Variants in SCAMP1 observed in about 807,000 individuals in gnomAD.
The protein encoded by SCAMP1 is secretory carrier-associated membrane protein 1.
A neutral mutation model predicts 41.8 loss-of-function variants in SCAMP1; 15 were observed. That is an observed-to-expected ratio of 0.36 (90% CI 0.24 to 0.55). The LOEUF is 0.55. SCAMP1 is among the 20% of genes least tolerant of loss of function. SCAMP1 has a pLI of 0.86. For synonymous variants in SCAMP1, 135 were observed against 136.8 expected (o/e 0.99, Z 0.09); for missense variants, 341 against 412.6 (o/e 0.83, Z 1.50).
chr5:78,465,581 A>G (rs1753725776), intron 8 of SCAMP1, among the ~76,000 whole-genome samples: 1 of 152,232 alleles, frequency 6.6e-6, no homozygotes. Context: ...TAAATGAAAC[A>G]GTGAATGTAA....
At chr5:78,432,940 T>C (rs1327366138) in intron 6 of SCAMP1, among the ~76,000 whole-genome samples, 2 of 152,178 alleles carry the variant, frequency 1.3e-5, no homozygotes, top group Non-Finnish European at 1.5e-5. Flanking sequence ...TTTTTACTTT[T>C]GCATTTCAGT....
At chr5:78,399,355 C>T (rs976891653) in intron 2 of SCAMP1, among the ~76,000 whole-genome samples, 1 of 152,168 alleles carries the variant, frequency 6.6e-6, no homozygotes, top group African/African-American at 2.4e-5. Flanking sequence ...CTGACTGGAC[C>T]ATATGGTAAC....
At chr5:78,403,274 A>G (rs138890996) in intron 2 of SCAMP1, among the ~76,000 whole-genome samples, 1 of 152,290 alleles carries the variant, frequency 6.6e-6, no homozygotes, top group African/African-American at 2.4e-5. Flanking sequence ...AGACCTACAT[A>G]CAAATAACTA....
At chr5:78,392,391 AT>A (rs1166670159) in intron 2 of SCAMP1, among the ~76,000 whole-genome samples, 4 of 152,328 alleles carry the variant, frequency 2.6e-5, no homozygotes, top group African/African-American at 9.6e-5. Flanking sequence ...TGCCTTTTTC[AT>A]TTTGCTAGTG....
intron 6 of SCAMP1, among the ~76,000 whole-genome samples, chr5:78,438,415 CTT>C: frequency 6.6e-6 from 1 of 152,302 alleles, no homozygotes; most frequent in Middle Eastern, 3.4e-3. Flanking sequence ...TACGTTGTGT[CTT>C]TGTTCTCATT....
intron 6 of SCAMP1, among the ~76,000 whole-genome samples, chr5:78,438,176 A>G (rs1369783221): frequency 1.3e-5 from 2 of 152,082 alleles, no homozygotes; most frequent in African/African-American, 4.8e-5. Flanking sequence ...TCCTGGATTC[A>G]TTGATTTTTT....
chr5:78,383,545 T>C (rs1263393056), intron 1 of SCAMP1, among the ~76,000 whole-genome samples: 1 of 152,226 alleles, frequency 6.6e-6, no homozygotes, highest in East Asian at 1.9e-4. Flanking sequence ...TGTTATGTTC[T>C]AGAAATTTTA....
intron 2 of SCAMP1, among the ~76,000 whole-genome samples, chr5:78,391,141 A>G (rs1359984605): frequency 6.6e-6 from 1 of 152,220 alleles, no homozygotes; most frequent in Middle Eastern, 3.4e-3. Context: ...CATTGTCATC[A>G]TGGCCCGTTC....
At chr5:78,391,745 C>T (rs1210033990) in intron 2 of SCAMP1, among the ~76,000 whole-genome samples, 1 of 152,220 alleles carries the variant, frequency 6.6e-6, no homozygotes, top group Non-Finnish European at 1.5e-5. Context: ...CAGACTCTGT[C>T]TGCAATCCCG....
chr5:78,392,442 G>T (rs1193143688), intron 2 of SCAMP1, among the ~76,000 whole-genome samples: 1 of 152,316 alleles, frequency 6.6e-6, no homozygotes, highest in South Asian at 2.1e-4. Context: ...AGAAAAAATA[G>T]TCCTGGTCTT....
At chr5:78,367,754 A>G (rs964163435) in intron 1 of SCAMP1, among the ~76,000 whole-genome samples, 14 of 152,220 alleles carry the variant, frequency 9.2e-5, no homozygotes, top group African/African-American at 3.4e-4. Context: ...AGACACTCCC[A>G]TTCAAATAGG....
intron 2 of SCAMP1, among the ~76,000 whole-genome samples, chr5:78,400,276 A>T (rs1751765234): frequency 6.6e-6 from 1 of 152,224 alleles, no homozygotes; most frequent in Non-Finnish European, 1.5e-5. Context: ...CTGTTACTTT[A>T]TAGTAAGTGA....
At chr5:78,385,560 G>A (rs1200071479) in intron 1 of SCAMP1, among the ~76,000 whole-genome samples, 1 of 151,994 alleles carries the variant, frequency 6.6e-6, no homozygotes, top group Non-Finnish European at 1.5e-5. Context: ...TGCTGTTTCA[G>A]ACTTTTTGAT....
intron 2 of SCAMP1, among the ~76,000 whole-genome samples, chr5:78,407,829 G>GTTTT (rs1415186415): frequency 6.6e-6 from 1 of 151,884 alleles, no homozygotes; most frequent in Non-Finnish European, 1.5e-5. Flanking sequence ...CATTATTATA[G>GTTTT]TTTTCATTTC....
intron 8 of SCAMP1, among the ~76,000 whole-genome samples, chr5:78,460,921 T>C (rs141492911): frequency 2.7e-4 from 41 of 150,888 alleles, no homozygotes; most frequent in African/African-American, 9.9e-4. Context: ...AGTGGCTCAA[T>C]CTCAGCTCAT....
intron 5 of SCAMP1, among the ~76,000 whole-genome samples, chr5:78,419,526 G>T (rs989061845): frequency 2.0e-5 from 3 of 152,146 alleles, no homozygotes; most frequent in African/African-American, 7.2e-5. Context: ...ATGTCAAGCC[G>T]TTAACAGTTT....
intron 6 of SCAMP1, among the ~76,000 whole-genome samples, chr5:78,435,687 C>G (rs1465063396): frequency 2.6e-5 from 4 of 152,092 alleles, no homozygotes; most frequent in Non-Finnish European, 5.9e-5. Context: ...AGTAAACATA[C>G]GTGTGCTTGT....
intron 6 of SCAMP1, among the ~76,000 whole-genome samples, chr5:78,425,523 A>G (rs937516694): frequency 2.6e-5 from 4 of 152,234 alleles, no homozygotes; most frequent in Non-Finnish European, 4.4e-5. Context: ...TAATATTTAT[A>G]AAAGTGATAC....
intron 7 of SCAMP1, among the ~76,000 whole-genome samples, chr5:78,451,537 C>G (rs1370090441): frequency 6.6e-6 from 1 of 152,204 alleles, no homozygotes; most frequent in African/African-American, 2.4e-5. Flanking sequence ...TTTGTCATTT[C>G]AAGAAGGTTA....
Sources: gnomAD v4.1 joint callset for allele counts (sites outside exome capture counted in the v4.1 genomes callset) on GRCh38, gnomAD v4.1.1 for gene constraint, MANE v1.5 for transcripts, NCBI Gene and HGNC (gene_info 2026-07-23, HGNC 2026-07-21) for gene names.